Variants in RINL observed in about 807,000 individuals in gnomAD.
The protein encoded by RINL is ras and Rab interactor-like protein.
Under a neutral mutation model 58.1 loss-of-function variants are expected in RINL, and 39 were observed. The observed-to-expected ratio is 0.67, with a 90% CI of 0.52 to 0.88. The LOEUF is 0.88. Among genes scored for constraint, RINL ranks in the 40% least tolerant of loss-of-function variants. The pLI is 0.00. For missense variants in RINL, 711 were observed against 749.2 expected (o/e 0.95, Z 0.60); for synonymous variants, 286 against 323.1 (o/e 0.89, Z 1.23).
Position 38,871,207 on chromosome 19 carries a change from C to T in RINL, c.472G>A (p.Val158Ile), listed in dbSNP as rs756371673. 2 of 1,613,988 alleles carry T rather than the reference C, an allele frequency of 1.2e-6. No individual in the cohort carries two copies. Among genetic ancestry groups the T allele is most frequent in the South Asian group, 1.1e-5 (1 of 91,088 alleles). Residue 158 changes from valine to isoleucine, a missense_variant, in exon 7 of 12, where the codon GTC becomes ATC. By Grantham distance (29) the Val-to-Ile change is conservative (BLOSUM62 3). Transcript: ENST00000591812. Reference protein sequence around the residue: ...EHTDPVQIGRVQQDTPGKVLS... With the variant: ...EHTDPVQIGRIQQDTPGKVLS... ...ACCTTCCCTGGGGTGTCCTGTTGGA[C>T]CCTGCCGATCTGCACAGGATCTGGA...
chr19:38,876,808 A>G lies in RINL; in HGVS notation c.-39-27T>C, dbSNP rs73930221. On this transcript the variant is annotated intron_variant, in intron 1 of 11. Coordinates refer to ENST00000591812, the MANE Select transcript of RINL (RefSeq NM_001195833.2). ...TGGCAGGGAGAAAGGTAAGACTCAA[A>G]GCTGCTCTAGCCCTCGGGTCATGTT... 6.4e-3 allele frequency: 8,125 copies of G among 1,265,264 alleles called. 395 individuals carry two copies. In the African/African-American group the frequency reaches 0.11, roughly 16 times the overall value. 78.4% of individuals were successfully genotyped at this position (1,265,264 alleles called of 1,614,324 possible).
rs1711557112 is a variant in RINL at position 38,869,311 on chromosome 19, C to T, written c.1574G>A (p.Arg525His). 1.9e-6 allele frequency: 3 copies of T among 1,613,894 alleles called. No homozygotes were observed. Among genetic ancestry groups the T allele is most frequent in the African/African-American group, 2.7e-5 (2 of 74,924 alleles). The change falls in exon 11 of 12, where the codon CGC becomes CAC. Residue 525 changes from arginine to histidine, a missense_variant. Coordinates refer to ENST00000591812, the MANE Select transcript of RINL (RefSeq NM_001195833.2). This position sits in a 1 kb window ranked among gnomAD's most constrained non-coding sequence, Gnocchi z 5.7. ...RAPRGLSSEARASLHQWHRRR... is the reference protein window; with the variant it reads ...RAPRGLSSEAHASLHQWHRRR... Reference sequence around the variant, plus strand: ...GCGGTGCCACTGGTGCAGGGAGGCGCGGGCCTCGGAGCTGAGCCCCCGGGG... The same window carrying T: ...GCGGTGCCACTGGTGCAGGGAGGCGTGGGCCTCGGAGCTGAGCCCCCGGGG...
rs1320748836 is a variant in RINL at position 38,876,450 on chromosome 19, G to A, written c.91C>T (p.Leu31=). The change falls in exon 3 of 12, where the codon CTA becomes TTA. Residue 31 remains leucine (L), a synonymous_variant. Transcript: ENST00000591812. ...PQVNKADRTP[L]GVLSTLEPLT... ...GGCTCTAGGGTGCTGAGGACCCCTAGAGGGGTCCTGTCTGCTTTGTTCACC... is the reference window on the plus strand; with the variant it reads ...GGCTCTAGGGTGCTGAGGACCCCTAAAGGGGTCCTGTCTGCTTTGTTCACC... 6.5e-7 allele frequency: 1 copy of A among 1,535,392 alleles called. No individual in the cohort carries two copies.
At chr19:38,871,017 C>A in intron 7 of RINL, 25 bp from the exon 8 acceptor site, 1 of 1,582,072 alleles carries the variant, frequency 6.3e-7, no homozygotes, top group South Asian at 1.2e-5. Flanking sequence ...GGCATTCGGT[C>A]GCCTAGAACA....
chr19:38,873,205 A>G (rs1972850388), intron 4 of RINL, among the ~76,000 whole-genome samples: 1 of 152,212 alleles, frequency 6.6e-6, no homozygotes, highest in Non-Finnish European at 1.5e-5. Context: ...GGATGAACCC[A>G]AGCAGAGGTC....
In RINL at chr19:38,871,698, T is replaced by C. The variant is rs1462800189; in HGVS notation, c.400A>G (p.Arg134Gly). The change falls in exon 6 of 12, where the codon AGA becomes GGA. Residue 134 changes from arginine (R) to glycine (G), a missense_variant. Arg to Gly is a moderately radical substitution (Grantham distance 125, BLOSUM62 -2). Coordinates refer to ENST00000591812, the MANE Select transcript of RINL (RefSeq NM_001195833.2). ...FLSASRDVLPRTLLLPPPTLG... is the reference protein window; with the variant it reads ...FLSASRDVLPGTLLLPPPTLG... ...GTGGGAGGGGGCAAGAGCAGGGTTC[T>C]GGGCAGAACATCCCTGAGAATAAAG... The C allele has an allele frequency of 6.2e-7, 1 of 1,614,166 alleles. No individual in the cohort carries two copies. The highest frequency in any genetic ancestry group is 8.5e-7 in the Non-Finnish European group (1 of 1,180,016).
In RINL at chr19:38,869,756, T is replaced by C. The variant is rs1259280287; in HGVS notation, c.1343-52A>G. The C allele has an allele frequency of 1.9e-6, 3 of 1,610,142 alleles. No individual in the cohort carries two copies. The highest frequency in any genetic ancestry group is 2.5e-6 in the Non-Finnish European group (3 of 1,178,308). On this transcript the variant is annotated intron_variant, in intron 9 of 11. Transcript: ENST00000591812. The surrounding 1 kb of genome is among the most constrained non-coding windows in gnomAD (Gnocchi z 5.7). ...AGATGGATCCCCATCTCAAGGCGCG[T>C]AGACACCTTCCATCCGATCCCCAGG...
In RINL at chr19:38,870,954, T is replaced by C; in HGVS notation, c.640A>G (p.Lys214Glu). 4.4e-6 allele frequency: 7 copies of C among 1,605,630 alleles called. No homozygotes were observed. The highest frequency in any genetic ancestry group is 5.9e-6 in the Non-Finnish European group (7 of 1,179,284). ...NPAPHGVSWV[K>E]GPLSPEVDHP... Reference sequence around the variant, plus strand: ...TCCACTTCCGGGCTGAGCGGGCCTTTCACCCAGGAGACCCCGTGAGGCGCA... The same window carrying C: ...TCCACTTCCGGGCTGAGCGGGCCTTCCACCCAGGAGACCCCGTGAGGCGCA... The change falls in exon 8 of 12, where the codon AAA (lysine) becomes GAA (glutamate). Residue 214 changes from lysine to glutamate, a missense_variant. Coordinates refer to ENST00000591812, the MANE Select transcript of RINL (RefSeq NM_001195833.2). This position sits in a 1 kb window ranked among gnomAD's most constrained non-coding sequence, Gnocchi z 5.8.
At chr19:38,871,732 G>T (rs759779075) in intron 5 of RINL, 21 bp from the exon 6 acceptor site, 1 of 1,613,884 alleles carries the variant, frequency 6.2e-7, no homozygotes, top group African/African-American at 1.3e-5. Context: ...AGAGGTGGGA[G>T]CCACAGTGTC....
chr19:38,868,989 G>C lies in RINL; in HGVS notation c.*115C>G. 1.4e-6 allele frequency: 1 copy of C among 728,792 alleles called. No individual in the cohort carries two copies. Among genetic ancestry groups the C allele is most frequent in the South Asian group, 2.6e-5 (1 of 39,060 alleles). The allele number at this position is 728,792 out of a possible 1,614,324, so 45.1% of individuals were successfully genotyped here. ...TTGTTTTTTTTTTTTTTTGGTAGATGGGGGTCCCACTGTTTTGCCCAGGCT... is the reference window on the plus strand; with the variant it reads ...TTGTTTTTTTTTTTTTTTGGTAGATCGGGGTCCCACTGTTTTGCCCAGGCT... On this transcript the variant is annotated 3_prime_UTR_variant, in exon 12 of 12. Transcript: ENST00000591812.
At position 38,868,049 on chromosome 19, in the gene RINL, C is replaced by G. The variant is rs1339687449; in HGVS notation, c.*1055G>C. The G allele has an allele frequency of 1.3e-5, 2 of 152,190 alleles. No homozygotes were observed. Among genetic ancestry groups the G allele is most frequent in the African/African-American group, 2.4e-5 (1 of 41,452 alleles). The allele number at this position is 152,190 out of a possible 1,614,324, so 9.4% of individuals were successfully genotyped here. ...GCAATCTTCGCCTCCCGGGTTCAAG[C>G]CATTCTCCTGCCTTAGCCTCCGGAG... On this transcript the variant is annotated 3_prime_UTR_variant, in exon 12 of 12. Coordinates refer to ENST00000591812, the MANE Select transcript of RINL (RefSeq NM_001195833.2).
rs1972783732 is a variant in RINL, at chr19:38,870,577, C to T, written c.1017G>A (p.Glu339=). ...TTCCAGTCCTCCCATTACCTGGATC[C>T]TCGTCCTTCTTGGGGAGCCCAGGAC... is the stretch of plus-strand genomic sequence containing the variant. ...SRGPGLPKKD[E]DPGPALETAV... The change falls in exon 8 of 12, where the codon GAG becomes GAA. Residue 339 remains glutamate, a synonymous_variant. Transcript: ENST00000591812. This position sits in a 1 kb window ranked among gnomAD's most constrained non-coding sequence, Gnocchi z 5.8. 6.4e-7 allele frequency: 1 copy of T among 1,567,228 alleles called. No homozygotes were observed. Among genetic ancestry groups the T allele is most frequent in the Admixed American group, 1.9e-5 (1 of 52,722 alleles).
chr19:38,876,400 C>T lies in RINL; in HGVS notation c.141G>A (p.Trp47Ter). 1.3e-6 allele frequency: 2 copies of T among 1,536,150 alleles called. No individual in the cohort carries two copies. Among genetic ancestry groups the T allele is most frequent in the Admixed American group, 2.0e-5 (1 of 51,006 alleles). Residue 47 changes from tryptophan (W) to a stop codon, truncating the protein, a stop_gained, in exon 3 of 12, where the codon TGG (tryptophan) becomes TGA (stop). Coordinates refer to ENST00000591812, the MANE Select transcript of RINL (RefSeq NM_001195833.2). LOFTEE classifies it high-confidence loss of function. ...LEPLTRLQRT[W>*]GVWHVPELDT... ...CCAGCTCTGGCACATGCCACACCCC[C>T]CATGTCCTCTGCAGGCGAGTAAGTG...
At chr19:38,875,146 A>G (rs905248081) in intron 3 of RINL, among the ~76,000 whole-genome samples, 1 of 151,476 alleles carries the variant, frequency 6.6e-6, no homozygotes, top group Non-Finnish European at 1.5e-5. Context: ...AAAAATAATA[A>G]TAAAAATAAT....
rs1236688897 is a variant in RINL, at chr19:38,870,137, A to G, written c.1148T>C (p.Leu383Pro). 5 of 1,413,736 alleles carry G rather than the reference A, an allele frequency of 3.5e-6. No individual in the cohort carries two copies. Among genetic ancestry groups the G allele is most frequent in the Non-Finnish European group, 4.6e-6 (5 of 1,094,298 alleles). The allele number at this position is 1,413,736 out of a possible 1,614,324, so 87.6% of individuals were successfully genotyped here. A position where few individuals can be genotyped will look rare whatever the true frequency, so the allele number is the denominator to read the frequency against. ...LRRLRRRQTA[L>P]RAGAGPPGAQ... ...CCCCGGAGGCCCCGCCCCCGCCCGC[A>G]GGGCTGTCTGTCGCCGCCGCAGCCG... The change falls in exon 9 of 12, where the codon CTG becomes CCG. Residue 383 changes from leucine to proline, a missense_variant. Physicochemically the swap from Leu to Pro is moderately conservative, Grantham distance 98. Transcript: ENST00000591812. The surrounding 1 kb of genome is among the most constrained non-coding windows in gnomAD (Gnocchi z 5.8).
In RINL at chr19:38,867,875, GATA is replaced by G. The variant is rs1452785620; in HGVS notation, c.*1226_*1228del. ...TTTTAATATGGATACATGTTGAAGT[GATA>G]ATATTTGGGATACATTGTGTTAAAT... On this transcript the variant is annotated 3_prime_UTR_variant, in exon 12 of 12. Coordinates refer to ENST00000591812, the MANE Select transcript of RINL (RefSeq NM_001195833.2). 2 of 152,050 alleles carry G rather than the reference GATA, an allele frequency of 1.3e-5. No homozygotes were observed. Among genetic ancestry groups the G allele is most frequent in the Non-Finnish European group, 2.9e-5 (2 of 68,008 alleles). 9.4% of individuals were successfully genotyped at this position (152,050 alleles called of 1,614,324 possible).
intron 4 of RINL, chr19:38,873,664 T>TA (rs1301132377): frequency 2.5e-6 from 1 of 406,800 alleles, no homozygotes; most frequent in Non-Finnish European, 4.6e-6. Flanking sequence ...TAGCTGGGAT[T>TA]ACAGTCGCGC....
At chr19:38,877,169 C>A (rs1056432967) in intron 1 of RINL, among the ~76,000 whole-genome samples, 4 of 152,164 alleles carry the variant, frequency 2.6e-5, no homozygotes, top group Admixed American at 2.6e-4. Flanking sequence ...CCCGCCTCGG[C>A]CTCCCAAAGT....
Position 38,871,128 on chromosome 19 carries a change from TCC to T in RINL, c.549_550del (p.Glu184AlafsTer15). 1 of 1,613,248 alleles carries T rather than the reference TCC, an allele frequency of 6.2e-7. No homozygotes were observed. Among genetic ancestry groups the T allele is most frequent in the South Asian group, 1.1e-5 (1 of 91,014 alleles). On this transcript the variant is annotated frameshift_variant, in exon 7 of 12. Transcript: ENST00000591812. LOFTEE classifies it high-confidence loss of function. ...TGGCTCTGTTTCTTGAGGGGTCTGC[TCC>T]CTCCCCCAGCCTCTGTGGGTCTCCA...
Sources: gnomAD v4.1 joint callset for allele counts (sites outside exome capture counted in the v4.1 genomes callset) on GRCh38, gnomAD v4.1.1 for gene constraint, Gnocchi (gnomAD v3.1) non-coding constraint, MANE v1.5 for transcripts, NCBI Gene and HGNC (gene_info 2026-07-23, HGNC 2026-07-21) for gene names.